SENP6: variants seen among roughly 807,000 people sequenced by gnomAD.
SENP6 encodes SUMO specific peptidase 6, also known as sentrin-specific protease 6.
Under a neutral mutation model 134.5 loss-of-function variants are expected in SENP6, and 41 were observed. The ratio of observed to expected loss-of-function variants is 0.30; its 90% CI spans 0.24 to 0.40. The LOEUF (loss-of-function observed/expected upper bound fraction) is 0.40, where lower values mean the gene tolerates loss of function less well. Ranked by LOEUF, SENP6 falls within the 10% of genes least tolerant of loss-of-function variation. The pLI is 1.00. For synonymous variants in SENP6, 395 were observed against 429.8 expected, an observed-to-expected ratio of 0.92 and a Z score of 1.00; for missense variants, 1,248 against 1,312.5, an observed-to-expected ratio of 0.95 and a Z score of 0.76.
chr6:75,608,399 T>C (rs925585191), intron 1 of SENP6, among the ~76,000 whole-genome samples: 2 of 151,176 alleles, frequency 1.3e-5, no homozygotes, highest in African/African-American at 4.9e-5. Context: ...GCCCAGGAGG[T>C]TGAGGCTGCA....
intron 18 of SENP6, among the ~76,000 whole-genome samples, chr6:75,699,751 A>G (rs1022183680): frequency 1.3e-5 from 2 of 152,184 alleles, no homozygotes; most frequent in East Asian, 3.9e-4. Flanking sequence ...TAGCCTCTCA[A>G]AGTGCTGGGA....
intron 7 of SENP6, among the ~76,000 whole-genome samples, chr6:75,653,061 G>A (rs1771029870): frequency 6.7e-6 from 1 of 150,124 alleles, no homozygotes; most frequent in East Asian, 1.9e-4. Flanking sequence ...ACGGAGTTTC[G>A]CTCTTGTTGC....
At chr6:75,621,740 AACT>A (rs1768289657) in intron 2 of SENP6, 115 bp downstream of exon 2, 6 of 612,500 alleles carry the variant, frequency 9.8e-6, no homozygotes, top group South Asian at 8.9e-5. Flanking sequence ...GAAAACATAT[AACT>A]CTTTCACAGT....
At chr6:75,705,689 G>A (rs1218248150) in intron 19 of SENP6, among the ~76,000 whole-genome samples, 1 of 151,868 alleles carries the variant, frequency 6.6e-6, no homozygotes, top group Non-Finnish European at 1.5e-5. Context: ...ATGCTATAGT[G>A]TGTGCCTTGC....
At chr6:75,692,430 G>A (rs983670444) in intron 16 of SENP6, among the ~76,000 whole-genome samples, 10 of 151,738 alleles carry the variant, frequency 6.6e-5, no homozygotes, top group Middle Eastern at 3.4e-3. Flanking sequence ...GACCATATTG[G>A]GCAATATAGC....
In SENP6 at chr6:75,713,844, G is replaced by C; in HGVS notation, c.3129+19G>C. On this transcript the variant is annotated intron_variant, in intron 23 of 23. Transcript: ENST00000447266. ...TTTTGAGGTGGGTTTCAATTTGTTG[G>C]ATCTGCTATAATAAATAATAAAATA... 1 of 1,529,716 alleles carries C rather than the reference G, an allele frequency of 6.5e-7. No individual in the cohort carries two copies. The highest frequency in any genetic ancestry group is 2.0e-5 in the Admixed American group (1 of 50,322). The allele number at this position is 1,529,716 out of a possible 1,614,324, so 94.8% of individuals were successfully genotyped here.
rs78058057 is a variant in SENP6 at position 75,716,048 on chromosome 6, A to G, written c.*454A>G. The G allele has an allele frequency of 3.0e-3, 460 of 153,086 alleles. 5 individuals carry two copies. The highest frequency in any genetic ancestry group is 5.6e-3 in the Non-Finnish European group (383 of 68,302). The allele number at this position is 153,086 out of a possible 1,614,324, so 9.5% of individuals were successfully genotyped here. On this transcript the variant is annotated 3_prime_UTR_variant, in exon 24 of 24. Transcript: ENST00000447266. ...AAATAAGTCAAAATGTGAAAATAAT[A>G]TTAAATCTAAGATATTTTGAACTAA...
At position 75,659,422 on chromosome 6, in the gene SENP6, T is replaced by A. The variant is rs761185194; in HGVS notation, c.696+15T>A. 6.3e-7 allele frequency: 1 copy of A among 1,584,810 alleles called. No homozygotes were observed. The highest frequency in any genetic ancestry group is 8.6e-7 in the Non-Finnish European group (1 of 1,159,182). On this transcript the variant is annotated intron_variant, in intron 8 of 23. Transcript: ENST00000447266. Reference sequence around the variant, plus strand: ...CCCATTTAGAGGTAAGTAGAGAAATTATTCTTTGTTGCTAATCAGATTGTG... The same window carrying A: ...CCCATTTAGAGGTAAGTAGAGAAATAATTCTTTGTTGCTAATCAGATTGTG...
chr6:75,628,413 A>G (rs1193690939), intron 3 of SENP6, among the ~76,000 whole-genome samples: 2 of 152,134 alleles, frequency 1.3e-5, no homozygotes, highest in African/African-American at 4.8e-5. Flanking sequence ...TCTAAAAAGT[A>G]TTATTACAGA....
Position 75,666,842 on chromosome 6 carries a change from T to G in SENP6, c.1125T>G (p.Asn375Lys). ...PSTGKVEAAL[N>K]ENTCRAEREL... ...CTGGAAAAGTAGAAGCAGCGCTAAA[T>G]GAAAATACTTGCAGAGCAGAGCGTG... The change falls in exon 10 of 24, where the codon AAT becomes AAG. Residue 375 changes from asparagine (N) to lysine (K), a missense_variant. By Grantham distance (94) the Asn-to-Lys change is moderately conservative (BLOSUM62 0). Around this residue, in one of 3 missense-constraint regions of SENP6, gnomAD observed 733 missense variants for 725.4 expected, o/e 1.01. Transcript: ENST00000447266. 1 of 1,613,778 alleles carries G rather than the reference T, an allele frequency of 6.2e-7. No individual in the cohort carries two copies. The highest frequency in any genetic ancestry group is 8.5e-7 in the Non-Finnish European group (1 of 1,179,730).
intron 16 of SENP6, 30 bp downstream of exon 16, chr6:75,678,957 AAATCTTTAAC>A: frequency 9.4e-7 from 1 of 1,062,536 alleles, no homozygotes; most frequent in South Asian, 1.3e-5. Context: ...ATCTTTTATT[AAATCTTTAAC>A]ATTCCGTCAT....
chr6:75,657,319 C>T (rs1771418783), intron 7 of SENP6, among the ~76,000 whole-genome samples: 1 of 152,154 alleles, frequency 6.6e-6, no homozygotes, highest in South Asian at 2.1e-4. Context: ...CATAGCTCTT[C>T]AACAAAGTAA....
chr6:75,671,446 G>A (rs948942462), intron 11 of SENP6, among the ~76,000 whole-genome samples: 3 of 152,070 alleles, frequency 2.0e-5, no homozygotes, highest in South Asian at 2.1e-4. Context: ...ACTTATTGCC[G>A]GGCGCGGTGT....
In SENP6 at chr6:75,649,598, A is replaced by G. The variant is rs186098634; in HGVS notation, c.550+1797A>G. On this transcript the variant is annotated intron_variant, in intron 7 of 23. Coordinates refer to ENST00000447266, the MANE Select transcript of SENP6 (RefSeq NM_015571.4). Reference sequence around the variant, plus strand: ...AGTGGTGTGATCTCAGCTCATTGCAACCTCCGCCTCCCGGGTTCAAATAAT... The same window carrying G: ...AGTGGTGTGATCTCAGCTCATTGCAGCCTCCGCCTCCCGGGTTCAAATAAT... Among the ~76,000 whole-genome samples the G allele has an allele frequency of 4.7e-3, 707 of 151,048 alleles. 7 individuals are homozygous for G. The highest frequency in any genetic ancestry group is 0.015 in the African/African-American group (627 of 41,126).
chr6:75,618,782 T>G (rs1273721060), intron 1 of SENP6, among the ~76,000 whole-genome samples: 1 of 152,232 alleles, frequency 6.6e-6, no homozygotes, highest in Non-Finnish European at 1.5e-5. Flanking sequence ...CTTGCTTATT[T>G]GTAACTTCTT....
intron 9 of SENP6, among the ~76,000 whole-genome samples, chr6:75,665,821 G>A (rs1183862526): frequency 1.3e-5 from 2 of 151,976 alleles, no homozygotes; most frequent in Admixed American, 1.3e-4. Context: ...GAGGTCGGGA[G>A]TTCGAGACCA....
In SENP6 at chr6:75,711,244, T is replaced by G. The variant is rs1582914255; in HGVS notation, c.2821-84T>G. Reference sequence around the variant, plus strand: ...AGTTTTGACAATCATTACAAATATTTTTGTCTCCAGTGTGCTATTTTGTTA... The same window carrying G: ...AGTTTTGACAATCATTACAAATATTGTTGTCTCCAGTGTGCTATTTTGTTA... On this transcript the variant is annotated intron_variant, in intron 20 of 23. Coordinates refer to ENST00000447266, the MANE Select transcript of SENP6 (RefSeq NM_015571.4). The G allele has an allele frequency of 5.8e-6, 5 of 855,594 alleles. No individual in the cohort carries two copies. The East Asian group carries it at 1.4e-4, about 24-fold the overall frequency. 53.0% of individuals were successfully genotyped at this position (855,594 alleles called of 1,614,324 possible). A position where few individuals can be genotyped will look rare whatever the true frequency, so the allele number is the denominator to read the frequency against.
At chr6:75,604,699 T>C (rs1766899745) in intron 1 of SENP6, among the ~76,000 whole-genome samples, 1 of 152,164 alleles carries the variant, frequency 6.6e-6, no homozygotes, top group Admixed American at 6.5e-5. Context: ...TATTGAATCT[T>C]TCCAAATAAA....
chr6:75,621,510 C>T, intron 1 of SENP6, 22 bp from the exon 2 acceptor site: 1 of 1,365,360 alleles, frequency 7.3e-7, no homozygotes, highest in Admixed American at 1.7e-5. Context: ...TGAATACTTA[C>T]TGCAGTTTGT....
Sources: allele counts gnomAD v4.1 joint callset (sites outside exome capture counted in the v4.1 genomes callset), GRCh38; gene constraint gnomAD v4.1.1; regional missense constraint gnomAD v4.1.1; transcripts MANE v1.5; gene names NCBI Gene and HGNC (gene_info 2026-07-23, HGNC 2026-07-21).